The following KIF26B variants were observed in gnomAD, a reference collection of about 807,000 sequenced individuals.
KIF26B encodes kinesin-like protein KIF26B.
A neutral mutation model predicts 151.2 loss-of-function variants in KIF26B; 63 were observed. The ratio of observed to expected loss-of-function variants is 0.42; its 90% confidence interval spans 0.34 to 0.51. The LOEUF is 0.51. Ranked by LOEUF, KIF26B falls within the 20% of genes least tolerant of loss-of-function variation. The probability of loss-of-function intolerance (pLI) is 0.07; values close to 1 mark genes in which losing one functional copy is unlikely to be tolerated. For missense variants in KIF26B, 2,813 were observed against 2,913.6 expected, an observed-to-expected ratio of 0.97 and a Z score of 0.79; for synonymous variants, 1,357 against 1,262.1, an observed-to-expected ratio of 1.08 and a Z score of -1.59.
rs1053431652 is a variant in KIF26B, at chr1:245,706,387, T to G, written c.*3781T>G. On this transcript the variant is annotated 3_prime_UTR_variant, in exon 15 of 15. Coordinates refer to ENST00000407071, the MANE Select transcript of KIF26B (RefSeq NM_018012.4). The stretch of plus-strand genomic sequence containing the variant: ...AAGGCAAGGCTGACAAATCTGCAGA[T>G]TTGTTCAATGCAAACACAGCCGTCT... 4 of 152,216 alleles carry G rather than the reference T, an allele frequency of 2.6e-5. No individual in the cohort carries two copies. 9.4% of individuals were successfully genotyped at this position (152,216 alleles called of 1,614,324 possible).
chr1:245,333,626 G>A (rs535515899), intron 2 of KIF26B, among the ~76,000 whole-genome samples: 6 of 152,290 alleles, frequency 3.9e-5, no homozygotes, highest in South Asian at 2.1e-4. Flanking sequence ...TTACACACAC[G>A]TGTGTGTGCA....
chr1:245,402,371 C>T (rs1200085676), intron 3 of KIF26B, among the ~76,000 whole-genome samples: 1 of 152,216 alleles, frequency 6.6e-6, no homozygotes, highest in Non-Finnish European at 1.5e-5. Flanking sequence ...GTTTGGCAGG[C>T]TCGCTGGATA....
chr1:245,367,480 G>A lies in KIF26B; in HGVS notation c.999+113G>A. On this transcript the variant is annotated intron_variant, in intron 3 of 14. Coordinates refer to ENST00000407071, the MANE Select transcript of KIF26B (RefSeq NM_018012.4). This position sits in a 1 kb window ranked among gnomAD's most constrained non-coding sequence, Gnocchi z 4.2. ...CGGGAACCCTGTAACTCAGAGCCCA[G>A]TGTTTCCATGTGGCCCCCACAGAGT... 1 of 978,368 alleles carries A rather than the reference G, an allele frequency of 1.0e-6. No individual in the cohort carries two copies. The highest frequency in any genetic ancestry group is 1.5e-6 in the Non-Finnish European group (1 of 677,722). The allele number at this position is 978,368 out of a possible 1,614,324, so 60.6% of individuals were successfully genotyped here.
At chr1:245,693,499 A>T (rs2044652791) in intron 12 of KIF26B, among the ~76,000 whole-genome samples, 1 of 152,194 alleles carries the variant, frequency 6.6e-6, no homozygotes, top group African/African-American at 2.4e-5. Context: ...TATTTCTCAT[A>T]TCTTTTCCTG....
chr1:245,185,930 G>A (rs1446011768), intron 2 of KIF26B, among the ~76,000 whole-genome samples: 1 of 151,434 alleles, frequency 6.6e-6, no homozygotes, highest in Non-Finnish European at 1.5e-5. Flanking sequence ...GCTGGAGTGC[G>A]GTGGCGTGAT....
chr1:245,598,346 G>A (rs2043356004), intron 5 of KIF26B, among the ~76,000 whole-genome samples: 1 of 152,142 alleles, frequency 6.6e-6, no homozygotes, highest in South Asian at 2.1e-4. Context: ...ATCATCTGTA[G>A]TCTTTTTCTT....
rs549825777 is a variant in KIF26B at position 245,466,724 on chromosome 1, G to A, written c.1166+46979G>A. Among the ~76,000 whole-genome samples the A allele has an allele frequency of 5.3e-5, 8 of 152,264 alleles. No individual in the cohort carries two copies. The East Asian group carries it at 5.8e-4, about 11-fold the overall frequency. On this transcript the variant is annotated intron_variant, in intron 4 of 14. Transcript: ENST00000407071. ...GTGGATCACTTCAGGTCAGGAGTTC[G>A]AGACCAGCCTGGCCAACATGGTGAA...
intron 2 of KIF26B, among the ~76,000 whole-genome samples, chr1:245,230,139 A>AAACAG (rs1669964031): frequency 6.8e-6 from 1 of 146,518 alleles, no homozygotes; most frequent in South Asian, 2.1e-4. Flanking sequence ...TCTAAAAACA[A>AAACAG]AACAAAACAA....
At chr1:245,593,153 T>C (rs2103138152) in intron 5 of KIF26B, among the ~76,000 whole-genome samples, 1 of 152,300 alleles carries the variant, frequency 6.6e-6, no homozygotes, top group Admixed American at 6.5e-5. Context: ...TCTTTTCCTT[T>C]TATAAAACCT....
chr1:245,541,663 T>C (rs908186163), intron 5 of KIF26B, among the ~76,000 whole-genome samples: 1 of 152,150 alleles, frequency 6.6e-6, no homozygotes. Context: ...GCGGTTTAAT[T>C]TTTTATTTTT....
chr1:245,347,211 T>A (rs1672473202), intron 2 of KIF26B, among the ~76,000 whole-genome samples: 1 of 152,232 alleles, frequency 6.6e-6, no homozygotes, highest in Non-Finnish European at 1.5e-5. Flanking sequence ...GAATCACTCC[T>A]TTTAGCATAC....
intron 4 of KIF26B, among the ~76,000 whole-genome samples, chr1:245,487,715 C>T (rs905872732): frequency 2.6e-5 from 4 of 151,888 alleles, no homozygotes; most frequent in Non-Finnish European, 4.4e-5. Flanking sequence ...CTCCTACCTA[C>T]GCCTCCCGAG....
chr1:245,562,380 G>A (rs2042965175), intron 5 of KIF26B, among the ~76,000 whole-genome samples: 1 of 152,068 alleles, frequency 6.6e-6, no homozygotes, highest in Non-Finnish European at 1.5e-5. Context: ...GCTTAAAAGG[G>A]GTCTTCAGGG....
At chr1:245,476,059 G>T (rs1216484972) in intron 4 of KIF26B, among the ~76,000 whole-genome samples, 1 of 151,864 alleles carries the variant, frequency 6.6e-6, no homozygotes, top group Non-Finnish European at 1.5e-5. Flanking sequence ...TTGCACAATG[G>T]AAAGTTATTC....
chr1:245,188,251 G>T (rs191004237), intron 2 of KIF26B, among the ~76,000 whole-genome samples: 1 of 128,356 alleles, frequency 7.8e-6, no homozygotes, highest in Non-Finnish European at 1.6e-5. Flanking sequence ...TTGCACTCCA[G>T]TCTGGGCAAG....
intron 3 of KIF26B, among the ~76,000 whole-genome samples, chr1:245,369,234 C>T (rs946331831): frequency 6.6e-6 from 1 of 151,616 alleles, no homozygotes; most frequent in Non-Finnish European, 1.5e-5. Context: ...CTCTTGATCT[C>T]ACCTTCCCAC....
intron 3 of KIF26B, among the ~76,000 whole-genome samples, chr1:245,411,028 A>C (rs1261803937): frequency 6.6e-6 from 1 of 152,220 alleles, no homozygotes; most frequent in Non-Finnish European, 1.5e-5. Flanking sequence ...GTCAGAGAAA[A>C]TCCATTTTAT....
At chr1:245,682,082 A>G (rs1288049438) in intron 10 of KIF26B, among the ~76,000 whole-genome samples, 8 of 152,260 alleles carry the variant, frequency 5.3e-5, no homozygotes, top group Non-Finnish European at 4.4e-5. Context: ...CGTCTCTACT[A>G]AAAATACAAA....
chr1:245,684,104 G>C (rs1004122328), intron 10 of KIF26B, 129 bp from the exon 11 acceptor site: 34 of 908,852 alleles, frequency 3.7e-5, no homozygotes, highest in Non-Finnish European at 5.5e-5. Context: ...ATGCTAATTA[G>C]TATGCCATTA....
Sources: gnomAD v4.1 joint callset for allele counts (sites outside exome capture counted in the v4.1 genomes callset) on GRCh38, gnomAD v4.1.1 for gene constraint, Gnocchi (gnomAD v3.1) non-coding constraint, MANE v1.5 for transcripts, NCBI Gene and HGNC (gene_info 2026-07-23, HGNC 2026-07-21) for gene names.